RAP1GAP2: variants seen among roughly 807,000 people sequenced by gnomAD.
RAP1GAP2 encodes the protein rap1 GTPase-activating protein 2.
A neutral mutation model predicts 95.0 loss-of-function variants in RAP1GAP2; 27 were observed. The observed-to-expected ratio is 0.28, with a 90% CI of 0.21 to 0.39. The LOEUF is 0.39. RAP1GAP2 is among the 10% of genes least tolerant of loss of function. The pLI, the probability that RAP1GAP2 is intolerant of heterozygous loss-of-function variation, is 1.00. For synonymous variants in RAP1GAP2, 373 were observed against 380.9 expected (o/e 0.98, Z 0.24); for missense variants, 771 against 970.0 (o/e 0.79, Z 2.72).
At chr17:2,771,649 C>T (rs914622593) in intron 2 of RAP1GAP2, among the ~76,000 whole-genome samples, 2 of 152,008 alleles carry the variant, frequency 1.3e-5, no homozygotes, top group Non-Finnish European at 2.9e-5. Context: ...GCCACCATAC[C>T]TGGCTAATTT....
chr17:2,794,908 C>T (rs1319171866), upstream of RAP1GAP2, among the ~76,000 whole-genome samples: 5 of 104,502 alleles, frequency 4.8e-5, no homozygotes, highest in African/African-American at 2.0e-4. Context: ...TGGAGTTTTG[C>T]TCTTTGTTGC....
chr17:2,788,863 T>G (rs1433354880), intron 1 of RAP1GAP2, among the ~76,000 whole-genome samples: 1 of 152,210 alleles, frequency 6.6e-6, no homozygotes, highest in Non-Finnish European at 1.5e-5. Flanking sequence ...CGGCATCTTC[T>G]TTACTTAGTC....
intron 1 of RAP1GAP2, among the ~76,000 whole-genome samples, chr17:2,788,063 C>T (rs1203019061): frequency 6.6e-6 from 1 of 152,108 alleles, no homozygotes; most frequent in Admixed American, 6.6e-5. Flanking sequence ...CATCTGTATA[C>T]ATAGATCTTG....
chr17:3,001,678 A>G (rs1360839646), intron 14 of RAP1GAP2, among the ~76,000 whole-genome samples: 1 of 152,266 alleles, frequency 6.6e-6, no homozygotes, highest in Non-Finnish European at 1.5e-5. Flanking sequence ...GAACTACTCA[A>G]CTGCTTCTTT....
At chr17:2,900,968 A>G (rs2042007864) in intron 2 of RAP1GAP2, among the ~76,000 whole-genome samples, 1 of 152,164 alleles carries the variant, frequency 6.6e-6, no homozygotes, top group Non-Finnish European at 1.5e-5. Context: ...GAGCCCTCCG[A>G]GGGTGGGGAG....
At chr17:2,918,661 A>G (rs75438673) in intron 3 of RAP1GAP2, among the ~76,000 whole-genome samples, 3,338 of 152,102 alleles carry the variant, frequency 0.022, 119 homozygotes, top group African/African-American at 0.076. Context: ...GAATTCACTC[A>G]TGATCTTGAG....
rs890428542 is a variant in RAP1GAP2, at chr17:2,965,893, C to T, written c.596+250C>T. The T allele has an allele frequency of 1.6e-5, 8 of 507,840 alleles. No homozygotes were observed. Among genetic ancestry groups the T allele is most frequent in the South Asian group, 1.0e-4 (4 of 38,954 alleles). The allele number at this position is 507,840 out of a possible 1,614,324, so 31.5% of individuals were successfully genotyped here. A position where few individuals can be genotyped will look rare whatever the true frequency, so the allele number is the denominator to read the frequency against. On this transcript the variant is annotated intron_variant, in intron 8 of 24. Transcript: ENST00000254695. This position sits in a 1 kb window ranked among gnomAD's most constrained non-coding sequence, Gnocchi z 4.7. ...TCTCAAGGTCACCCAGACTGTACCC[C>T]TTCCTGCCCCTCTTTCTTACAAGTC...
chr17:2,978,059 G>T (rs966143809), intron 8 of RAP1GAP2, among the ~76,000 whole-genome samples: 3 of 152,094 alleles, frequency 2.0e-5, no homozygotes, highest in African/African-American at 7.2e-5. Flanking sequence ...CCTTAACTAA[G>T]CATTTATGCA....
At chr17:2,799,530 A>G (rs1343900984) in intron 1 of RAP1GAP2, among the ~76,000 whole-genome samples, 1 of 152,016 alleles carries the variant, frequency 6.6e-6, no homozygotes, top group Non-Finnish European at 1.5e-5. Flanking sequence ...CTGGCCAGAG[A>G]AGGGTGCCGG....
chr17:3,028,665 G>A (rs2047200722), intron 22 of RAP1GAP2, among the ~76,000 whole-genome samples: 2 of 152,344 alleles, frequency 1.3e-5, no homozygotes, highest in South Asian at 4.1e-4. Flanking sequence ...GAGTGGAAGA[G>A]TTCACGTGCC....
rs148989095 is a variant in RAP1GAP2, at chr17:2,909,322, G to A, written c.165+3954G>A. On this transcript the variant is annotated intron_variant, in intron 3 of 24. Coordinates refer to ENST00000254695, the MANE Select transcript of RAP1GAP2 (RefSeq NM_015085.5). ...GAGTGCACAGTGGCCACTGGGCTCC[G>A]CGGCCTGGCAGTTGCAGGGGATGTA... Among the ~76,000 whole-genome samples, 608 of 152,270 alleles carry A rather than the reference G, an allele frequency of 4.0e-3. 4 individuals carry two copies. Among genetic ancestry groups the A allele is most frequent in the Non-Finnish European group, 7.1e-3 (484 of 68,016 alleles).
At chr17:2,912,069 T>TTCCTCCCTTG (rs2042403361) in intron 3 of RAP1GAP2, among the ~76,000 whole-genome samples, 1 of 152,156 alleles carries the variant, frequency 6.6e-6, no homozygotes, top group South Asian at 2.1e-4. Flanking sequence ...CAGCAGAACG[T>TTCCTCCCTTG]CTGGTTCCTC....
At chr17:3,028,640 T>G (rs767493034) in intron 22 of RAP1GAP2, among the ~76,000 whole-genome samples, 47 of 152,286 alleles carry the variant, frequency 3.1e-4, no homozygotes, top group Non-Finnish European at 2.6e-4. Flanking sequence ...ACCCTTTGCA[T>G]GCGTGTTTCT....
chr17:2,921,912 T>C (rs2042795074), intron 3 of RAP1GAP2, among the ~76,000 whole-genome samples: 1 of 152,214 alleles, frequency 6.6e-6, no homozygotes, highest in Non-Finnish European at 1.5e-5. Context: ...CCTGGGGGTC[T>C]CTCCTCTGTG....
intron 3 of RAP1GAP2, among the ~76,000 whole-genome samples, chr17:2,938,967 C>T (rs1348872628): frequency 6.6e-6 from 1 of 152,254 alleles, no homozygotes; most frequent in East Asian, 1.9e-4. Context: ...GCCTGGGCAA[C>T]AAGAGTGAAA....
chr17:2,982,849 G>C (rs1245788459), intron 10 of RAP1GAP2, among the ~76,000 whole-genome samples: 2 of 152,162 alleles, frequency 1.3e-5, no homozygotes, highest in African/African-American at 4.8e-5. Flanking sequence ...GTATTTTCAT[G>C]TTTTCTGTAT....
chr17:2,824,002 A>G (rs1180373809), intron 2 of RAP1GAP2, among the ~76,000 whole-genome samples: 1 of 151,648 alleles, frequency 6.6e-6, no homozygotes, highest in African/African-American at 2.4e-5. Flanking sequence ...GGGCGCCTGT[A>G]GTCCCAGCTA....
intron 2 of RAP1GAP2, among the ~76,000 whole-genome samples, chr17:2,809,111 C>T (rs1038620099): frequency 4.6e-5 from 7 of 152,190 alleles, no homozygotes; most frequent in African/African-American, 1.7e-4. Flanking sequence ...CCATGTGCTC[C>T]TGGCCCTCCT....
rs529519009 is a variant in RAP1GAP2, at chr17:2,963,817, C to A, written c.280-39C>A. On this transcript the variant is annotated intron_variant, in intron 6 of 24. Transcript: ENST00000254695. The surrounding 1 kb of genome is among the most constrained non-coding windows in gnomAD (Gnocchi z 4.8). ...CGCCACCGGCCCCCTCCCTCCCCTG[C>A]GGTCCCAGGGGAGCGCACGACCCTC... 2.0e-6 allele frequency: 3 copies of A among 1,473,834 alleles called. No individual in the cohort carries two copies. In the South Asian group the frequency reaches 3.9e-5, roughly 19 times the overall value. The allele number at this position is 1,473,834 out of a possible 1,614,324, so 91.3% of individuals were successfully genotyped here. A position where few individuals can be genotyped will look rare whatever the true frequency, so the allele number is the denominator to read the frequency against.
Sources: gnomAD v4.1 joint callset for allele counts (sites outside exome capture counted in the v4.1 genomes callset) on GRCh38, gnomAD v4.1.1 for gene constraint, Gnocchi (gnomAD v3.1) non-coding constraint, MANE v1.5 for transcripts, NCBI Gene and HGNC (gene_info 2026-07-23, HGNC 2026-07-21) for gene names.